SCN8A: variants seen among roughly 807,000 people sequenced by gnomAD.
SCN8A encodes sodium channel protein type 8 subunit alpha.
SCN8A carries 30 observed loss-of-function variants against 184.1 expected under a neutral mutation model. The observed-to-expected ratio is 0.16, with a 90% CI of 0.12 to 0.22. SCN8A has a LOEUF of 0.22. Among genes scored for constraint, SCN8A ranks in the 10% least tolerant of loss-of-function variants. The probability of loss-of-function intolerance (pLI) is 1.00; values close to 1 mark genes in which losing one functional copy is unlikely to be tolerated. For synonymous variants in SCN8A, 852 were observed against 907.0 expected (o/e 0.94, Z 1.09); for missense variants, 1,057 against 2,498.9 (o/e 0.42, Z 12.30).
At chr12:51,615,631 A>G (rs1411597338) in intron 1 of SCN8A, among the ~76,000 whole-genome samples, 2 of 152,242 alleles carry the variant, frequency 1.3e-5, no homozygotes, top group East Asian at 3.9e-4. Flanking sequence ...TAATTTTCAT[A>G]CATATTGCAT....
At chr12:51,710,522 G>T (rs1434561495) in intron 11 of SCN8A, among the ~76,000 whole-genome samples, 2 of 152,142 alleles carry the variant, frequency 1.3e-5, no homozygotes, top group African/African-American at 4.8e-5. Context: ...GGCCAGGCGT[G>T]GTGGCCCATG....
At chr12:51,783,190 G>A (rs991708453) in intron 21 of SCN8A, among the ~76,000 whole-genome samples, 14 of 152,192 alleles carry the variant, frequency 9.2e-5, no homozygotes, top group Admixed American at 2.0e-4. Flanking sequence ...TAGCCCTTCT[G>A]TGGGAGAGTA....
At chr12:51,635,848 T>C (rs1424374604) in intron 1 of SCN8A, among the ~76,000 whole-genome samples, 1 of 152,216 alleles carries the variant, frequency 6.6e-6, no homozygotes, top group African/African-American at 2.4e-5. Flanking sequence ...GTATGTTTTA[T>C]CAGTATTCAT....
At chr12:51,680,579 C>T (rs1304561654) in intron 2 of SCN8A, among the ~76,000 whole-genome samples, 3 of 152,180 alleles carry the variant, frequency 2.0e-5, no homozygotes, top group Admixed American at 6.5e-5. Context: ...TATGAAGCAC[C>T]TGCTGTATGC....
chr12:51,796,026 A>G (rs149392276), intron 26 of SCN8A, among the ~76,000 whole-genome samples: 44 of 152,288 alleles, frequency 2.9e-4, no homozygotes, highest in Non-Finnish European at 4.9e-4. Flanking sequence ...CCTAGATGAC[A>G]GAGAGAGACC....
intron 11 of SCN8A, among the ~76,000 whole-genome samples, chr12:51,717,842 G>C (rs755796022): frequency 6.6e-6 from 1 of 152,116 alleles, no homozygotes; most frequent in Non-Finnish European, 1.5e-5. Flanking sequence ...TATAGCATAT[G>C]GCATGTATCT....
chr12:51,745,903 G>T lies in SCN8A; in HGVS notation c.1999G>T (p.Ala667Ser). The change falls in exon 13 of 27, where the codon GCT becomes TCT. Residue 667 changes from alanine (A) to serine (S), a missense_variant and splice_region_variant. Coordinates refer to ENST00000627620, the MANE Select transcript of SCN8A (RefSeq NM_001330260.2). Reference protein sequence around the residue: ...SHIGGRLLPEATTEVEIKKKG... With the variant: ...SHIGGRLLPESTTEVEIKKKG... ...TGCTTTTCTTTTTTTTTTTTTAAAG[G>T]CTACAACTGAGGTGGAAATTAAGAA... 2 of 1,568,128 alleles carry T rather than the reference G, an allele frequency of 1.3e-6. No individual in the cohort carries two copies. Among genetic ancestry groups the T allele is most frequent in the Non-Finnish European group, 1.7e-6 (2 of 1,163,750 alleles).
intron 11 of SCN8A, among the ~76,000 whole-genome samples, chr12:51,717,455 C>T (rs560707389): frequency 1.3e-5 from 2 of 152,158 alleles, no homozygotes; most frequent in African/African-American, 4.8e-5. Context: ...TTCTAAATGC[C>T]CCTCTCAGTT....
intron 1 of SCN8A, among the ~76,000 whole-genome samples, chr12:51,593,464 T>C (rs951642658): frequency 1.3e-5 from 2 of 152,186 alleles, no homozygotes; most frequent in African/African-American, 4.8e-5. Flanking sequence ...AGGATTTTGT[T>C]TTAAATTAAT....
intron 1 of SCN8A, among the ~76,000 whole-genome samples, chr12:51,662,075 C>A (rs997039450): frequency 4.6e-5 from 7 of 152,200 alleles, no homozygotes; most frequent in Admixed American, 2.0e-4. Flanking sequence ...TAGGATTCCA[C>A]TCCCATTTGC....
chr12:51,779,223 A>AT (rs1176806223), intron 20 of SCN8A, among the ~76,000 whole-genome samples: 1 of 151,418 alleles, frequency 6.6e-6, no homozygotes, highest in Admixed American at 6.6e-5. Context: ...TTGTCTCAAA[A>AT]AAAAAAAAAA....
Position 51,600,555 on chromosome 12 carries a change from G to T in SCN8A, c.-55+9196G>T, listed in dbSNP as rs530988246. On this transcript the variant is annotated intron_variant, in intron 1 of 26. Transcript: ENST00000627620. Reference sequence around the variant, plus strand: ...GCCGTGTATGAAAAATGTCAGACTTGACTTGCATGATCTTCTTGGTATAGC... The same window carrying T: ...GCCGTGTATGAAAAATGTCAGACTTTACTTGCATGATCTTCTTGGTATAGC... Among the ~76,000 whole-genome samples the T allele has an allele frequency of 1.4e-4, 21 of 152,290 alleles. No homozygotes were observed. The South Asian group carries it at 4.4e-3, about 32-fold the overall frequency.
intron 9 of SCN8A, among the ~76,000 whole-genome samples, chr12:51,704,562 C>T (rs761728004): frequency 4.7e-5 from 7 of 148,822 alleles, no homozygotes; most frequent in East Asian, 2.0e-4. Flanking sequence ...CCCAGCTACT[C>T]GGGAGGCTGA....
chr12:51,740,352 AT>A (rs1262427753), intron 12 of SCN8A, among the ~76,000 whole-genome samples: 2 of 152,144 alleles, frequency 1.3e-5, no homozygotes, highest in Non-Finnish European at 2.9e-5. Context: ...TGTTTCTGCT[AT>A]TTGTTTCAAG....
Position 51,617,288 on chromosome 12 carries a change from T to C in SCN8A, c.-55+25929T>C, listed in dbSNP as rs575045851. On this transcript the variant is annotated intron_variant, in intron 1 of 26. Coordinates refer to ENST00000627620, the MANE Select transcript of SCN8A (RefSeq NM_001330260.2). ...GGTCATTGAGATTCTGTGCTTTTTT[T>C]CCTTCGTTTCTAATTTTTTTCTCTC... Among the ~76,000 whole-genome samples the C allele has an allele frequency of 8.5e-4, 130 of 152,302 alleles. No homozygotes were observed. The South Asian group carries it at 0.024, about 28-fold the overall frequency.
chr12:51,660,328 A>G (rs1387592661), intron 1 of SCN8A, among the ~76,000 whole-genome samples: 1 of 152,254 alleles, frequency 6.6e-6, no homozygotes, highest in Non-Finnish European at 1.5e-5. Context: ...GCTGCTGTGA[A>G]GAACCCAGGT....
At chr12:51,798,945 A>G (rs140241125) in intron 26 of SCN8A, among the ~76,000 whole-genome samples, 127 of 152,318 alleles carry the variant, frequency 8.3e-4, no homozygotes, top group African/African-American at 2.8e-3. Context: ...TTCTCCTTCC[A>G]TGCAAAGTGC....
At chr12:51,634,653 A>ATTTTTTTTTTT (rs1269981442) in intron 1 of SCN8A, among the ~76,000 whole-genome samples, 2 of 62,504 alleles carry the variant, frequency 3.2e-5, no homozygotes, top group Admixed American at 1.8e-4. Context: ...TATTATTATT[A>ATTTTTTTTTTT]TTATTTTTTT....
At chr12:51,617,040 T>C (rs143664113) in intron 1 of SCN8A, among the ~76,000 whole-genome samples, 8 of 152,230 alleles carry the variant, frequency 5.3e-5, no homozygotes, top group Admixed American at 5.2e-4. Flanking sequence ...TCAAGATTTT[T>C]TATTTTAGTT....
Sources: gnomAD v4.1 joint callset for allele counts (sites outside exome capture counted in the v4.1 genomes callset) on GRCh38, gnomAD v4.1.1 for gene constraint, MANE v1.5 for transcripts, NCBI Gene and HGNC (gene_info 2026-07-23, HGNC 2026-07-21) for gene names.